Variants in XKR4 observed in about 807,000 individuals in gnomAD.
XKR4 encodes the protein XK-related protein 4.
In XKR4, 12 loss-of-function variants were observed where a neutral mutation model predicts 53.9. The ratio of observed to expected loss-of-function variants is 0.22; its 90% CI spans 0.14 to 0.36. XKR4 has a LOEUF of 0.36. XKR4 is among the 10% of genes least tolerant of loss of function. XKR4 has a pLI of 1.00. For synonymous variants in XKR4, 354 were observed against 362.4 expected, an observed-to-expected ratio of 0.98 and a Z score of 0.26; for missense variants, 799 against 859.5, an observed-to-expected ratio of 0.93 and a Z score of 0.88.
intron 1 of XKR4, among the ~76,000 whole-genome samples, chr8:55,309,388 G>A (rs1819357109): frequency 6.6e-6 from 1 of 152,150 alleles, no homozygotes; most frequent in African/African-American, 2.4e-5. Flanking sequence ...AAGATTTAGG[G>A]GTTGCAAAGA....
At chr8:55,144,160 CTCT>C (rs1271053953) in intron 1 of XKR4, among the ~76,000 whole-genome samples, 2 of 152,180 alleles carry the variant, frequency 1.3e-5, no homozygotes, top group South Asian at 2.1e-4. Context: ...CATTTTGCAT[CTCT>C]TCTTGTCAAT....
At chr8:55,281,959 T>C (rs1818849647) in intron 1 of XKR4, among the ~76,000 whole-genome samples, 1 of 152,222 alleles carries the variant, frequency 6.6e-6, no homozygotes, top group African/African-American at 2.4e-5. Flanking sequence ...CTTCCTTGGC[T>C]TATGTGCTTC....
At chr8:55,141,977 C>CT in intron 1 of XKR4, 1 of 422,854 alleles carries the variant, frequency 2.4e-6, no homozygotes, top group Non-Finnish European at 4.8e-6. Context: ...CCCCGCCTCT[C>CT]TATTTCCAGG....
intron 2 of XKR4, among the ~76,000 whole-genome samples, chr8:55,482,432 A>C (rs1002530487): frequency 1.3e-5 from 2 of 152,110 alleles, no homozygotes; most frequent in African/African-American, 4.8e-5. Flanking sequence ...GCATTAGGAG[A>C]TATACCTAAT....
chr8:55,263,546 G>T (rs72651882), intron 1 of XKR4, among the ~76,000 whole-genome samples: 1 of 152,320 alleles, frequency 6.6e-6, no homozygotes, highest in African/African-American at 2.4e-5. Flanking sequence ...AATAGCATGC[G>T]TATGTAAATA....
chr8:55,446,785 C>G (rs938560387), intron 2 of XKR4, among the ~76,000 whole-genome samples: 1 of 152,172 alleles, frequency 6.6e-6, no homozygotes. Context: ...CTTTGCCAGG[C>G]AGTATCTTCT....
chr8:55,294,612 CTT>C (rs1401985150), intron 1 of XKR4, among the ~76,000 whole-genome samples: 1 of 152,236 alleles, frequency 6.6e-6, no homozygotes, highest in Non-Finnish European at 1.5e-5. Flanking sequence ...ACTGCTGACT[CTT>C]TGTTCACACA....
At chr8:55,233,589 G>A (rs1199589198) in intron 1 of XKR4, among the ~76,000 whole-genome samples, 1 of 152,240 alleles carries the variant, frequency 6.6e-6, no homozygotes, top group Non-Finnish European at 1.5e-5. Context: ...GGGGCCATGA[G>A]GCCTGCCACA....
intron 2 of XKR4, among the ~76,000 whole-genome samples, chr8:55,515,720 G>T (rs977409290): frequency 2.0e-5 from 3 of 152,204 alleles, no homozygotes; most frequent in African/African-American, 7.2e-5. Context: ...TTTGTGAAAA[G>T]AATCCAAAAT....
At chr8:55,509,746 C>T (rs1041758703) in intron 2 of XKR4, among the ~76,000 whole-genome samples, 17 of 152,242 alleles carry the variant, frequency 1.1e-4, no homozygotes, top group Middle Eastern at 6.8e-3. Context: ...CTAAAGGCTG[C>T]CAAAGTGCCA....
intron 2 of XKR4, among the ~76,000 whole-genome samples, chr8:55,514,504 G>A (rs930218043): frequency 5.9e-5 from 9 of 151,984 alleles, no homozygotes; most frequent in Non-Finnish European, 1.0e-4. Context: ...TGATCCGCCC[G>A]CCTCGGCCTC....
At chr8:55,482,213 G>T (rs1172584267) in intron 2 of XKR4, among the ~76,000 whole-genome samples, 3 of 152,014 alleles carry the variant, frequency 2.0e-5, no homozygotes, top group Admixed American at 2.0e-4. Flanking sequence ...ATACTATGCA[G>T]CCATAAAAAA....
intron 1 of XKR4, among the ~76,000 whole-genome samples, chr8:55,134,380 A>G (rs1816596633): frequency 6.6e-6 from 1 of 152,252 alleles, no homozygotes; most frequent in South Asian, 2.1e-4. Flanking sequence ...TTGTGAGGGT[A>G]AAGAAAGCAA....
chr8:55,453,822 A>G, intron 2 of XKR4: 1 of 480,640 alleles, frequency 2.1e-6, no homozygotes. Flanking sequence ...TCATCCACCC[A>G]CCTCTGTGCC....
intron 2 of XKR4, among the ~76,000 whole-genome samples, chr8:55,485,809 G>A (rs1456892775): frequency 2.6e-5 from 4 of 152,186 alleles, no homozygotes; most frequent in African/African-American, 9.7e-5. Context: ...GTTGGCTTCT[G>A]TTGAGGGCCC....
chr8:55,125,568 A>T (rs59801233), intron 1 of XKR4, among the ~76,000 whole-genome samples: 42,796 of 152,100 alleles, frequency 0.28, 6,788 homozygotes, highest in African/African-American at 0.43. Flanking sequence ...ATTGCCCATT[A>T]ATATGGTAAA....
In XKR4 at chr8:55,531,371, T is replaced by C. The variant is rs1484908738; in HGVS notation, c.*7144T>C. 1 of 152,182 alleles carries C rather than the reference T, an allele frequency of 6.6e-6. No homozygotes were observed. Among genetic ancestry groups the C allele is most frequent in the African/African-American group, 2.4e-5 (1 of 41,452 alleles). 9.4% of individuals were successfully genotyped at this position (152,182 alleles called of 1,614,324 possible). ...GAAAAGTTAACAGTAAAAAATATAG[T>C]ATTATTGTCTTATGGGATCGCTGTC... is the stretch of plus-strand genomic sequence containing the variant. On this transcript the variant is annotated 3_prime_UTR_variant, in exon 3 of 3. Coordinates refer to ENST00000327381, the MANE Select transcript of XKR4 (RefSeq NM_052898.2).
rs1806956573 is a variant in XKR4, at chr8:55,531,730, C to G, written c.*7503C>G. 6.6e-6 allele frequency: 1 copy of G among 152,180 alleles called. No individual in the cohort carries two copies. 9.4% of individuals were successfully genotyped at this position (152,180 alleles called of 1,614,324 possible). On this transcript the variant is annotated 3_prime_UTR_variant, in exon 3 of 3. Coordinates refer to ENST00000327381, the MANE Select transcript of XKR4 (RefSeq NM_052898.2). ...GAAAAGGCATGAAATTAGGGAGACT[C>G]CAAAGTGAAGAGTTTTCCAATAGGT...
At position 55,432,811 on chromosome 8, in the gene XKR4, C is replaced by A. The variant is rs531806583; in HGVS notation, c.1006+74934C>A. 2.6e-5 allele frequency among the ~76,000 whole-genome samples: 4 copies of A among 151,732 alleles called. No individual in the cohort carries two copies. The South Asian group carries it at 6.3e-4, about 24-fold the overall frequency. ...CTCTAAAATCTAGGCTCTTTCCCTG[C>A]TTGATCTTACCTTTCCTTCTACACT... On this transcript the variant is annotated intron_variant, in intron 2 of 2. Transcript: ENST00000327381.
Sources: allele counts gnomAD v4.1 joint callset (sites outside exome capture counted in the v4.1 genomes callset), GRCh38; gene constraint gnomAD v4.1.1; transcripts MANE v1.5; gene names NCBI Gene and HGNC (gene_info 2026-07-23, HGNC 2026-07-21).